Variants in UCK2 observed in about 807,000 individuals in gnomAD.
UCK2 encodes cytidine monophosphokinase 2.
A neutral mutation model predicts 30.8 loss-of-function variants in UCK2; 6 were observed. The ratio of observed to expected loss-of-function variants is 0.19; its 90% CI spans 0.11 to 0.38. The LOEUF is 0.38. UCK2 is among the 10% of genes least tolerant of loss of function. The pLI is 1.00. For synonymous variants in UCK2, 125 were observed against 133.6 expected, an observed-to-expected ratio of 0.94 and a Z score of 0.45; for missense variants, 210 against 339.8, an observed-to-expected ratio of 0.62 and a Z score of 3.00.
chr1:165,838,814 G>A (rs1297662311), intron 1 of UCK2, among the ~76,000 whole-genome samples: 2 of 151,886 alleles, frequency 1.3e-5, no homozygotes, highest in African/African-American at 2.4e-5. Context: ...TTGGGAGGCC[G>A]GGATGGGCAG....
chr1:165,831,634 A>C (rs1654049806), intron 1 of UCK2, among the ~76,000 whole-genome samples: 1 of 152,202 alleles, frequency 6.6e-6, no homozygotes, highest in Non-Finnish European at 1.5e-5. Context: ...TTCCTTAGGA[A>C]TAGCTCTGGA....
chr1:165,886,885 C>T (rs962955479), intron 1 of UCK2, among the ~76,000 whole-genome samples: 5 of 152,096 alleles, frequency 3.3e-5, no homozygotes, highest in Admixed American at 2.6e-4. Context: ...AACAGTTATC[C>T]GGATTTTTTA....
intron 1 of UCK2, among the ~76,000 whole-genome samples, chr1:165,841,111 GTA>G (rs61030546): frequency 0.41 from 59,687 of 144,718 alleles, 13,175 homozygotes; most frequent in Non-Finnish European, 0.5. Flanking sequence ...GTGTGTGTGT[GTA>G]TATATATATA....
intron 1 of UCK2, among the ~76,000 whole-genome samples, chr1:165,834,208 T>A (rs1654126174): frequency 6.6e-6 from 1 of 152,218 alleles, no homozygotes; most frequent in African/African-American, 2.4e-5. Flanking sequence ...ATTATCATAT[T>A]TGAAAAAGTT....
intron 2 of UCK2, chr1:165,890,740 G>A: frequency 3.9e-6 from 1 of 258,108 alleles, no homozygotes; most frequent in Non-Finnish European, 7.6e-6. Flanking sequence ...CCACTGTCTG[G>A]CAGAGAGGGA....
At position 165,859,686 on chromosome 1, in the gene UCK2, G is replaced by A. The variant is rs144394877; in HGVS notation, c.100-30518G>A. Among the ~76,000 whole-genome samples the A allele has an allele frequency of 3.0e-3, 460 of 152,242 alleles. 3 individuals carry two copies. The highest frequency in any genetic ancestry group is 0.01 in the African/African-American group (431 of 41,546). On this transcript the variant is annotated intron_variant, in intron 1 of 6. Coordinates refer to ENST00000367879, the MANE Select transcript of UCK2 (RefSeq NM_012474.5). ...AAAAAACCCACAAAAAATTAGCAGG[G>A]TGTGGTGGTGCATGCCTGTGGTCCT... is the stretch of plus-strand genomic sequence containing the variant.
chr1:165,829,160 T>C lies in UCK2; in HGVS notation c.99+1228T>C, dbSNP rs151051919. On this transcript the variant is annotated intron_variant, in intron 1 of 6. Coordinates refer to ENST00000367879, the MANE Select transcript of UCK2 (RefSeq NM_012474.5). The stretch of plus-strand genomic sequence containing the variant: ...CGGCGGCTGGCGCTGCTGGACTTCT[T>C]TATTGATGAAGTTGATCTCGTCCGT... 1.8e-4 allele frequency among the ~76,000 whole-genome samples: 28 copies of C among 152,236 alleles called. No homozygotes were observed. In the East Asian group the frequency reaches 3.7e-3, roughly 20 times the overall value.
chr1:165,903,705 C>T (rs1647561257), intron 5 of UCK2, among the ~76,000 whole-genome samples: 1 of 152,232 alleles, frequency 6.6e-6, no homozygotes, highest in African/African-American at 2.4e-5. Context: ...CTCTGAGCCT[C>T]TCCTGCCATC....
At chr1:165,869,339 C>T (rs1557840681) in intron 1 of UCK2, among the ~76,000 whole-genome samples, 1 of 151,466 alleles carries the variant, frequency 6.6e-6, no homozygotes, top group East Asian at 1.9e-4. Context: ...TTGCCACAAA[C>T]CTTCAATTTG....
rs368851233 is a variant in UCK2, at chr1:165,897,217, C to T, written c.499+885C>T. On this transcript the variant is annotated intron_variant, in intron 4 of 6. Transcript: ENST00000367879. ...AGACTGAGATCTCTAGTCTGGTTCT[C>T]GGTGGGCAAGGGAGAGCCACTGTGA... is the stretch of plus-strand genomic sequence containing the variant. Among the ~76,000 whole-genome samples the T allele has an allele frequency of 1.5e-4, 23 of 151,930 alleles. 1 individual carries two copies. In the South Asian group the frequency reaches 3.6e-3, roughly 24 times the overall value.
At chr1:165,863,243 T>C (rs1259180847) in intron 1 of UCK2, among the ~76,000 whole-genome samples, 3 of 152,204 alleles carry the variant, frequency 2.0e-5, no homozygotes, top group East Asian at 1.9e-4. Context: ...GGAGTAAAGA[T>C]GTCTGCACAG....
chr1:165,827,795 C>G lies in UCK2; in HGVS notation c.-39C>G. On this transcript the variant is annotated 5_prime_UTR_variant, in exon 1 of 7. Transcript: ENST00000367879. Reference sequence around the variant, plus strand: ...GCGGGCGCGGGCGGGGAGCGTGCGTCCGTTCGCACAGGCAGCGGGAGGAGG... The same window carrying G: ...GCGGGCGCGGGCGGGGAGCGTGCGTGCGTTCGCACAGGCAGCGGGAGGAGG... 2 of 1,355,722 alleles carry G rather than the reference C, an allele frequency of 1.5e-6. No individual in the cohort carries two copies. The highest frequency in any genetic ancestry group is 1.5e-5 in the African/African-American group (1 of 66,600). The allele number at this position is 1,355,722 out of a possible 1,614,324, so 84.0% of individuals were successfully genotyped here. A position where few individuals can be genotyped will look rare whatever the true frequency, so the allele number is the denominator to read the frequency against.
chr1:165,869,303 A>G (rs889685261), intron 1 of UCK2, among the ~76,000 whole-genome samples: 1 of 152,228 alleles, frequency 6.6e-6, no homozygotes, highest in African/African-American at 2.4e-5. Context: ...GAAAAATGGT[A>G]TTAACAAGAC....
At chr1:165,838,783 C>T (rs928827272) in intron 1 of UCK2, among the ~76,000 whole-genome samples, 9 of 151,670 alleles carry the variant, frequency 5.9e-5, no homozygotes, top group African/African-American at 1.9e-4. Flanking sequence ...TGCAGTGGCT[C>T]ATGCATGTCA....
intron 1 of UCK2, among the ~76,000 whole-genome samples, chr1:165,883,655 G>C (rs1193722642): frequency 6.6e-6 from 1 of 152,112 alleles, no homozygotes; most frequent in Non-Finnish European, 1.5e-5. Context: ...TGATTGTATT[G>C]TAGCTAGGAG....
chr1:165,872,350 C>T (rs1031771421), intron 1 of UCK2, among the ~76,000 whole-genome samples: 2 of 152,200 alleles, frequency 1.3e-5, no homozygotes, highest in African/African-American at 4.8e-5. Context: ...GCTGGGATTA[C>T]AGGTGTGAGC....
intron 3 of UCK2, 77 bp downstream of exon 3, chr1:165,891,399 C>G: frequency 7.4e-7 from 1 of 1,348,974 alleles, no homozygotes; most frequent in Middle Eastern, 1.8e-4. Context: ...AGACCTCCTT[C>G]CTTACCTCTC....
intron 1 of UCK2, among the ~76,000 whole-genome samples, chr1:165,838,816 G>C (rs947404369): frequency 3.3e-5 from 5 of 151,994 alleles, no homozygotes; most frequent in Non-Finnish European, 1.5e-5. Context: ...GGGAGGCCGG[G>C]ATGGGCAGGT....
intron 1 of UCK2, among the ~76,000 whole-genome samples, chr1:165,832,237 T>C (rs1218729271): frequency 6.6e-6 from 1 of 152,236 alleles, no homozygotes. Context: ...ATGAGAATTA[T>C]TTTTTCTGTC....
Sources: allele counts gnomAD v4.1 joint callset (sites outside exome capture counted in the v4.1 genomes callset), GRCh38; gene constraint gnomAD v4.1.1; transcripts MANE v1.5; gene names NCBI Gene and HGNC (gene_info 2026-07-23, HGNC 2026-07-21).